RBMS3: variants seen among roughly 807,000 people sequenced by gnomAD.
RBMS3 encodes the protein RNA binding motif single stranded interacting protein 3.
A neutral mutation model predicts 66.8 loss-of-function variants in RBMS3; 27 were observed. The observed-to-expected ratio is 0.40, with a 90% CI of 0.30 to 0.56. RBMS3 has a LOEUF of 0.56. RBMS3 is among the 20% of genes least tolerant of loss of function. The pLI, the probability that RBMS3 is intolerant of heterozygous loss-of-function variation, is 0.40. For synonymous variants in RBMS3, 188 were observed against 183.0 expected, an observed-to-expected ratio of 1.03 and a Z score of -0.22; for missense variants, 513 against 549.5, an observed-to-expected ratio of 0.93 and a Z score of 0.66.
intron 10 of RBMS3, among the ~76,000 whole-genome samples, 174 bp downstream of exon 10, chr3:29,899,929 A>G (rs761777106): frequency 1.3e-5 from 2 of 151,756 alleles, no homozygotes; most frequent in Non-Finnish European, 2.9e-5. Context: ...TACAATAGAT[A>G]GCTAGAGATC....
chr3:29,637,956 C>T (rs997687212), intron 4 of RBMS3, among the ~76,000 whole-genome samples: 1 of 151,858 alleles, frequency 6.6e-6, no homozygotes, highest in Non-Finnish European at 1.5e-5. Context: ...AAAACAAAAC[C>T]AAAACCAAAA....
At chr3:29,529,238 G>GA (rs1381203303) in intron 3 of RBMS3, among the ~76,000 whole-genome samples, 1 of 152,188 alleles carries the variant, frequency 6.6e-6, no homozygotes, top group Non-Finnish European at 1.5e-5. Flanking sequence ...AGCACTTTGT[G>GA]ATAGAAGACC....
intron 4 of RBMS3, among the ~76,000 whole-genome samples, chr3:29,606,278 A>C (rs1042635962): frequency 6.6e-6 from 1 of 151,918 alleles, no homozygotes; most frequent in Non-Finnish European, 1.5e-5. Context: ...TATTATTTGG[A>C]ACCTGATTCC....
At chr3:29,985,797 G>A (rs1335669051) in intron 12 of RBMS3, among the ~76,000 whole-genome samples, 3 of 152,060 alleles carry the variant, frequency 2.0e-5, no homozygotes, top group African/African-American at 7.2e-5. Flanking sequence ...CTATTCATCC[G>A]TCTTGCCAAC....
At chr3:29,814,431 T>C (rs2057818201) in intron 6 of RBMS3, among the ~76,000 whole-genome samples, 1 of 152,152 alleles carries the variant, frequency 6.6e-6, no homozygotes, top group African/African-American at 2.4e-5. Flanking sequence ...AGGATATTGG[T>C]CTAAAATTCT....
At chr3:29,763,669 T>A (rs1055388140) in intron 6 of RBMS3, among the ~76,000 whole-genome samples, 11 of 152,110 alleles carry the variant, frequency 7.2e-5, no homozygotes, top group African/African-American at 2.7e-4. Context: ...GCATTAAACA[T>A]GAAATAATTG....
In RBMS3 at chr3:29,991,114, G is replaced by A. The variant is rs767553380; in HGVS notation, c.1212G>A (p.Val404=). Residue 404 remains valine, a synonymous_variant, in exon 14 of 15, where the codon GTG becomes GTA. Coordinates refer to ENST00000383767, the MANE Select transcript of RBMS3 (RefSeq NM_001003793.3). ...GVVADTSPQT[V]APSSQDTSGQ... Reference sequence around the variant, plus strand: ...TTGCTGATACCTCTCCCCAGACAGTGGCACCTTCATCCCAGGACACCAGTG... The same window carrying A: ...TTGCTGATACCTCTCCCCAGACAGTAGCACCTTCATCCCAGGACACCAGTG... The A allele has an allele frequency of 2.0e-5, 32 of 1,613,956 alleles. No homozygotes were observed. Among genetic ancestry groups the A allele is most frequent in the Non-Finnish European group, 2.5e-5 (29 of 1,180,030 alleles).
Position 29,746,089 on chromosome 3 carries a change from A to G in RBMS3, c.557+6212A>G, listed in dbSNP as rs2054880195. ...ATCTGCTGAAATATAATGAGACCAC[A>G]GAAACAGAATAATCATATGAAAATA... is the stretch of plus-strand genomic sequence containing the variant. On this transcript the variant is annotated intron_variant, in intron 5 of 14. Transcript: ENST00000383767. Among the ~76,000 whole-genome samples, 3 of 152,344 alleles carry G rather than the reference A, an allele frequency of 2.0e-5. No individual in the cohort carries two copies. In the South Asian group the frequency reaches 6.2e-4, roughly 32 times the overall value.
rs138870999 is a variant in RBMS3 at position 29,561,820 on chromosome 3, A to C, written c.308-25294A>C. Among the ~76,000 whole-genome samples the C allele has an allele frequency of 6.5e-4, 99 of 152,236 alleles. 1 individual carries two copies. The East Asian group carries it at 0.019, about 29-fold the overall frequency. ...TGGTTTTGGTTTCCATTTCTCTAAC[A>C]ATCAGTGATATTGAGCTTTTTGCAT... On this transcript the variant is annotated intron_variant, in intron 3 of 14. Transcript: ENST00000383767.
At chr3:29,709,449 G>A (rs1246366119) in intron 4 of RBMS3, among the ~76,000 whole-genome samples, 2 of 152,318 alleles carry the variant, frequency 1.3e-5, no homozygotes, top group Non-Finnish European at 2.9e-5. Context: ...AAAATGAAAA[G>A]AGTATATTCT....
At chr3:29,816,188 C>G (rs560476206) in intron 6 of RBMS3, among the ~76,000 whole-genome samples, 1 of 152,018 alleles carries the variant, frequency 6.6e-6, no homozygotes, top group Admixed American at 6.5e-5. Flanking sequence ...TTACTGGACC[C>G]TCTTCTTTCC....
chr3:29,827,359 A>G (rs937218404), intron 6 of RBMS3, among the ~76,000 whole-genome samples: 1 of 152,200 alleles, frequency 6.6e-6, no homozygotes, highest in Admixed American at 6.6e-5. Flanking sequence ...GGCCATATGA[A>G]TGTGAGGATG....
chr3:30,007,915 TA>T lies in RBMS3; in HGVS notation c.*4057del, dbSNP rs533392321. The T allele has an allele frequency of 7.2e-5, 11 of 152,126 alleles. No individual in the cohort carries two copies. In the East Asian group the frequency reaches 1.7e-3, roughly 24 times the overall value. The allele number at this position is 152,126 out of a possible 1,614,324, so 9.4% of individuals were successfully genotyped here. ...CTTCTAATGAAAAACTGCATGGTGT[TA>T]AAAGCACTCTCATTAGAAATATAAG... is the stretch of plus-strand genomic sequence containing the variant. On this transcript the variant is annotated 3_prime_UTR_variant, in exon 15 of 15. Coordinates refer to ENST00000383767, the MANE Select transcript of RBMS3 (RefSeq NM_001003793.3).
chr3:29,373,674 C>A (rs1012262880), intron 1 of RBMS3, among the ~76,000 whole-genome samples: 1 of 152,102 alleles, frequency 6.6e-6, no homozygotes, highest in Non-Finnish European at 1.5e-5. Context: ...AGTAATTGAG[C>A]CTTGAGGGAT....
At chr3:29,742,531 G>A (rs1456184474) in intron 5 of RBMS3, among the ~76,000 whole-genome samples, 6 of 152,126 alleles carry the variant, frequency 3.9e-5, no homozygotes, top group African/African-American at 1.4e-4. Flanking sequence ...CATCTCTCAG[G>A]CAATGGCTTA....
chr3:29,349,415 A>G (rs1384596138), intron 1 of RBMS3, among the ~76,000 whole-genome samples: 3 of 152,182 alleles, frequency 2.0e-5, no homozygotes, highest in Non-Finnish European at 4.4e-5. Flanking sequence ...GCAGTTCATC[A>G]GTTGCTTACT....
At chr3:29,886,098 T>C (rs980315305) in intron 8 of RBMS3, among the ~76,000 whole-genome samples, 1 of 151,812 alleles carries the variant, frequency 6.6e-6, no homozygotes, top group Non-Finnish European at 1.5e-5. Context: ...TTCTTACATC[T>C]TCGAAAATAA....
At chr3:29,335,761 T>G (rs530639148) in intron 1 of RBMS3, among the ~76,000 whole-genome samples, 28 of 152,324 alleles carry the variant, frequency 1.8e-4, no homozygotes, top group African/African-American at 6.7e-4. Flanking sequence ...GGGGTCAGCC[T>G]GAATAGAAAG....
At chr3:29,289,540 T>TA (rs1271671177) in intron 1 of RBMS3, among the ~76,000 whole-genome samples, 1 of 151,770 alleles carries the variant, frequency 6.6e-6, no homozygotes, top group Non-Finnish European at 1.5e-5. Context: ...TATAAAAGCA[T>TA]AAAGAATCCA....
Sources: gnomAD v4.1 joint callset for allele counts (sites outside exome capture counted in the v4.1 genomes callset) on GRCh38, gnomAD v4.1.1 for gene constraint, MANE v1.5 for transcripts, NCBI Gene and HGNC (gene_info 2026-07-23, HGNC 2026-07-21) for gene names.